The following CIMAP1B variants were observed in gnomAD, a reference collection of about 807,000 sequenced individuals.
CIMAP1B encodes the protein ciliary microtubule associated protein 1B.
At chr22:50,530,586 C>T in the CIMAP1B span, 1 of 1,570,718 alleles carries the variant, frequency 6.4e-7, no homozygotes, top group African/African-American at 1.4e-5. Context: ...CACCGCTGAC[C>T]TCGCGGGGCC....
the CIMAP1B span, chr22:50,531,853 C>A: frequency 1.5e-6 from 2 of 1,328,534 alleles, no homozygotes; most frequent in Non-Finnish European, 1.9e-6. Context: ...CGGCACAGAC[C>A]CCCTCTCCCC....
At chr22:50,531,206 C>T in the CIMAP1B span, 10 of 1,612,738 alleles carry the variant, frequency 6.2e-6, no homozygotes, top group African/African-American at 1.2e-4. Flanking sequence ...CTCTGCTGTT[C>T]CGCCTGGACA....
the CIMAP1B span, chr22:50,532,405 T>A: frequency 4.0e-6 from 1 of 250,756 alleles, no homozygotes; most frequent in Non-Finnish European, 7.6e-6. Context: ...GGCAGGAGAT[T>A]TTCGTGCTGT....
chr22:50,531,260 A>G, the CIMAP1B span: 3 of 1,610,886 alleles, frequency 1.9e-6, no homozygotes, highest in Non-Finnish European at 2.5e-6. Flanking sequence ...GCACTGGGGT[A>G]CGTCGCGTTC....
At chr22:50,532,005 C>A in the CIMAP1B span, 2 of 1,360,066 alleles carry the variant, frequency 1.5e-6, no homozygotes, top group Non-Finnish European at 1.9e-6. Flanking sequence ...GGCCCGGGGC[C>A]TCCGTAGTGC....
At chr22:50,531,691 G>A in the CIMAP1B span, 1 of 1,364,760 alleles carries the variant, frequency 7.3e-7, no homozygotes, top group South Asian at 1.8e-5. Context: ...GCCCGGGGCC[G>A]CACGTCGTCT....
At chr22:50,532,456 G>T in the CIMAP1B span, 3 of 187,186 alleles carry the variant, frequency 1.6e-5, no homozygotes, top group Non-Finnish European at 3.3e-5. Context: ...TGGGGGACCC[G>T]GTGCCCCGAG....
At chr22:50,532,377 A>C in the CIMAP1B span, 8 of 282,746 alleles carry the variant, frequency 2.8e-5, no homozygotes, top group Non-Finnish European at 3.3e-5. Flanking sequence ...GAAGGGAATC[A>C]CCTGGGGGTG....
At chr22:50,532,044 G>A in the CIMAP1B span, 1 of 1,345,078 alleles carries the variant, frequency 7.4e-7, no homozygotes, top group South Asian at 1.8e-5. Context: ...GGCCGGTGTG[G>A]CCGCCAAAGG....
the CIMAP1B span, chr22:50,531,382 G>T: frequency 8.4e-6 from 10 of 1,194,310 alleles, no homozygotes; most frequent in Middle Eastern, 1.9e-4. Context: ...CTAGTGGGGA[G>T]TCTGAGCCAC....
At chr22:50,530,935 A>C in the CIMAP1B span, 2 of 1,609,674 alleles carry the variant, frequency 1.2e-6, no homozygotes, top group Non-Finnish European at 1.7e-6. Context: ...CCCCTCCCCC[A>C]CCTTGCTGAG....
chr22:50,530,718 C>CA, the CIMAP1B span: 5 of 1,612,070 alleles, frequency 3.1e-6, no homozygotes, highest in Middle Eastern at 8.3e-4. Context: ...CCACCTGATC[C>CA]ACGTTGTAGG....
chr22:50,531,295 C>T, the CIMAP1B span: 4 of 1,606,594 alleles, frequency 2.5e-6, no homozygotes, highest in South Asian at 2.2e-5. Flanking sequence ...GAAGTACCTG[C>T]CTGCGGGGCG....
At chr22:50,530,937 C>T in the CIMAP1B span, 1 of 1,610,844 alleles carries the variant, frequency 6.2e-7, no homozygotes, top group Non-Finnish European at 8.5e-7. Flanking sequence ...CCTCCCCCAC[C>T]TTGCTGAGGT....
the CIMAP1B span, chr22:50,532,203 C>CG: frequency 8.1e-7 from 1 of 1,236,402 alleles, no homozygotes; most frequent in South Asian, 2.5e-5. Context: ...CGGGGCGGGG[C>CG]GGGGCCTGGA....
At chr22:50,531,839 C>T in the CIMAP1B span, 3 of 1,334,426 alleles carry the variant, frequency 2.2e-6, no homozygotes, top group African/African-American at 1.5e-5. Context: ...CACGGACCCT[C>T]CCCCGGCACA....
chr22:50,531,890 C>T, the CIMAP1B span: 83 of 1,315,368 alleles, frequency 6.3e-5, no homozygotes, highest in Non-Finnish European at 7.9e-5. Flanking sequence ...CAGCCCCGAG[C>T]GCAGGCCTCC....
At chr22:50,530,881 C>T in the CIMAP1B span, 3 of 1,606,650 alleles carry the variant, frequency 1.9e-6, no homozygotes, top group African/African-American at 1.3e-5. Context: ...TGCTGGCTGC[C>T]GCCTCCACTG....
the CIMAP1B span, chr22:50,531,952 G>T: frequency 7.6e-7 from 1 of 1,320,908 alleles, no homozygotes. Flanking sequence ...CTCAATCCCG[G>T]GGCCTGCCCC....
Sources: gnomAD v4.1 joint callset for allele counts on GRCh38, gnomAD v4.1.1 for gene constraint, MANE v1.5 for transcripts, NCBI Gene and HGNC (gene_info 2026-07-23, HGNC 2026-07-21) for gene names.